OR52N4: variants seen among roughly 807,000 people sequenced by gnomAD.
The protein encoded by OR52N4 is olfactory receptor 52N4.
In OR52N4, 15 loss-of-function variants were observed where a neutral mutation model predicts 15.0. The ratio of observed to expected loss-of-function variants is 1.00; its 90% CI spans 0.67 to 1.54. The LOEUF (loss-of-function observed/expected upper bound fraction) is 1.54, where lower values mean the gene tolerates loss of function less well. Among genes scored for constraint, OR52N4 ranks in the 40% most tolerant of loss-of-function variants. The pLI is 0.00. For missense variants in OR52N4, 421 were observed against 394.0 expected, an observed-to-expected ratio of 1.07 and a Z score of -0.58; for synonymous variants, 143 against 143.7, an observed-to-expected ratio of 1.00 and a Z score of 0.03.
upstream of OR52N4, among the ~76,000 whole-genome samples, chr11:5,751,405 T>C (rs1375242090): frequency 6.6e-6 from 1 of 152,006 alleles, no homozygotes; most frequent in East Asian, 1.9e-4. Flanking sequence ...ATGAGAGAGA[T>C]GCCTTATGTT....
At chr11:5,737,139 A>G in the OR52N4 span, 1 of 1,613,972 alleles carries the variant, frequency 6.2e-7, no homozygotes, top group Non-Finnish European at 8.5e-7. Flanking sequence ...AGCATTTGCC[A>G]GTTGGTTCTG....
the OR52N4 span, among the ~76,000 whole-genome samples, chr11:5,741,092 AG>A: frequency 2.1e-4 from 31 of 148,914 alleles, 6 homozygotes; most frequent in Non-Finnish European, 3.6e-4. Flanking sequence ...AAGATAATAA[AG>A]GAGTTTATGC....
the OR52N4 span, chr11:5,737,480 A>C: frequency 3.7e-6 from 6 of 1,609,926 alleles, no homozygotes; most frequent in Non-Finnish European, 5.1e-6. Flanking sequence ...TACAAAAGAA[A>C]TAAGATCTTA....
chr11:5,737,169 G>C, the OR52N4 span: 1 of 1,613,982 alleles, frequency 6.2e-7, no homozygotes, highest in Non-Finnish European at 8.5e-7. Flanking sequence ...GGAATGGGGA[G>C]TGATCTAAGT....
At chr11:5,734,134 T>A in the OR52N4 span, 284 of 454,962 alleles carry the variant, frequency 6.2e-4, no homozygotes, top group African/African-American at 5.1e-3. Flanking sequence ...CACATTTTTA[T>A]CTTGTGTTAA....
chr11:5,747,373 T>C, the OR52N4 span, among the ~76,000 whole-genome samples: 1 of 152,068 alleles, frequency 6.6e-6, no homozygotes, highest in Non-Finnish European at 1.5e-5. Flanking sequence ...AGAAATTTAT[T>C]GTACAGCATC....
chr11:5,731,154 T>C, the OR52N4 span, among the ~76,000 whole-genome samples: 1 of 152,202 alleles, frequency 6.6e-6, no homozygotes, highest in Non-Finnish European at 1.5e-5. Context: ...AATCATTTTC[T>C]AAGTGAGCAC....
chr11:5,752,782 T>TA, upstream of OR52N4, among the ~76,000 whole-genome samples: 1 of 152,294 alleles, frequency 6.6e-6, no homozygotes, highest in East Asian at 1.9e-4. Context: ...AGGACCCTTC[T>TA]ACCACATACT....
chr11:5,741,110 A>G, the OR52N4 span, among the ~76,000 whole-genome samples: 16 of 64,702 alleles, frequency 2.5e-4, 6 homozygotes, highest in Non-Finnish European at 5.8e-4. Flanking sequence ...ATGCAGGAAG[A>G]TAATAAAGAA....
rs373731030 is a variant in OR52N4 at position 5,755,354 on chromosome 11, C to T, written c.614C>T (p.Ala205Val). The change falls in exon 2 of 2, where the codon GCC (alanine) becomes GTC (valine). Residue 205 changes from alanine (A) to valine (V), a missense_variant. Ala to Val is a moderately conservative substitution (Grantham distance 64). Transcript: ENST00000641350. ...KVNAIYGLMV[A>V]LLIWGFDILC... ...AATGCCATCTATGGTCTGATGGTTG[C>T]CCTCCTGATTTGGGGCTTTGACATA... 5.6e-6 allele frequency: 9 copies of T among 1,613,926 alleles called. No individual in the cohort carries two copies. The highest frequency in any genetic ancestry group is 1.6e-4 in the Middle Eastern group (1 of 6,082).
chr11:5,731,230 C>T, the OR52N4 span, among the ~76,000 whole-genome samples: 4 of 152,118 alleles, frequency 2.6e-5, no homozygotes, highest in African/African-American at 4.8e-5. Context: ...TGCTCTATTA[C>T]TTCATATTCT....
the OR52N4 span, among the ~76,000 whole-genome samples, chr11:5,728,164 C>T: frequency 1.3e-5 from 2 of 152,166 alleles, no homozygotes; most frequent in African/African-American, 2.4e-5. Flanking sequence ...TCTGAATGAC[C>T]TTGGATATCA....
the OR52N4 span, chr11:5,737,268 G>C: frequency 6.2e-7 from 1 of 1,614,118 alleles, no homozygotes. Context: ...AGCACTTGTA[G>C]TTCACATCTC....
the OR52N4 span, chr11:5,737,274 A>C: frequency 5.0e-6 from 8 of 1,614,094 alleles, no homozygotes; most frequent in South Asian, 8.8e-5. Context: ...TGTAGTTCAC[A>C]TCTCACCCTC....
chr11:5,748,011 C>T, the OR52N4 span, among the ~76,000 whole-genome samples: 1 of 151,810 alleles, frequency 6.6e-6, no homozygotes, highest in South Asian at 2.1e-4. Flanking sequence ...AATTTCATAC[C>T]CATGTTCATT....
chr11:5,727,303 C>G, the OR52N4 span: 1 of 153,014 alleles, frequency 6.5e-6, no homozygotes, highest in Non-Finnish European at 1.5e-5. Flanking sequence ...CTTTGGCCAT[C>G]ACGTTCCAGT....
chr11:5,754,956 C>T lies in OR52N4; in HGVS notation c.216C>T (p.Asp72=). The T allele has an allele frequency of 6.2e-7, 1 of 1,613,792 alleles. No individual in the cohort carries two copies. Among genetic ancestry groups the T allele is most frequent in the Middle Eastern group, 1.7e-4 (1 of 6,058 alleles). Residue 72 remains aspartate (D), a synonymous_variant, in exon 2 of 2, where the codon GAC becomes GAT. Coordinates refer to ENST00000641350, the MANE Select transcript of OR52N4 (RefSeq NM_001005175.5). ...YYFLAMLSFT[D]LVMCSSTIPK... The stretch of plus-strand genomic sequence containing the variant: ...TCTTGGCCATGCTTTCCTTTACTGA[C>T]CTTGTTATGTGCTCTAGTACAATCC...
the OR52N4 span, among the ~76,000 whole-genome samples, chr11:5,729,276 C>T: frequency 3.3e-5 from 5 of 151,752 alleles, no homozygotes; most frequent in Non-Finnish European, 5.9e-5. Context: ...CCCGCCAACA[C>T]ACCCGGCTAA....
At chr11:5,749,545 G>C (rs1338048120), upstream of OR52N4, among the ~76,000 whole-genome samples, 2 of 151,940 alleles carry the variant, frequency 1.3e-5, no homozygotes, top group Non-Finnish European at 2.9e-5. Flanking sequence ...AGAAATGAAA[G>C]ACTAGCTAGA....
Sources: allele counts gnomAD v4.1 joint callset (sites outside exome capture counted in the v4.1 genomes callset), GRCh38; gene constraint gnomAD v4.1.1; transcripts MANE v1.5; gene names NCBI Gene and HGNC (gene_info 2026-07-23, HGNC 2026-07-21).